The following TENM2 variants were observed in gnomAD, a reference collection of about 807,000 sequenced individuals.
TENM2 encodes teneurin transmembrane protein 2.
TENM2 carries 52 observed loss-of-function variants against 245.2 expected under a neutral mutation model. That is an observed-to-expected ratio of 0.21 (90% CI 0.17 to 0.27). The LOEUF is 0.27. TENM2 is among the 10% of genes least tolerant of loss of function. The pLI, the probability that TENM2 is intolerant of heterozygous loss-of-function variation, is 1.00. For missense variants in TENM2, 3,046 were observed against 3,666.8 expected (o/e 0.83, Z 4.37); for synonymous variants, 1,363 against 1,438.9 (o/e 0.95, Z 1.19).
intron 5 of TENM2, among the ~76,000 whole-genome samples, chr5:168,031,058 T>C (rs1787100643): frequency 6.6e-6 from 1 of 152,216 alleles, no homozygotes; most frequent in Non-Finnish European, 1.5e-5. Context: ...CACTGCTTAG[T>C]GTCACCACTG....
chr5:167,612,303 A>G (rs1777527034), intron 2 of TENM2, among the ~76,000 whole-genome samples: 1 of 152,132 alleles, frequency 6.6e-6, no homozygotes. Flanking sequence ...TAGCGAGGAC[A>G]GTTTCCATCA....
intron 2 of TENM2, among the ~76,000 whole-genome samples, chr5:167,789,503 T>G (rs1476170833): frequency 6.6e-6 from 1 of 152,196 alleles, no homozygotes; most frequent in Non-Finnish European, 1.5e-5. Flanking sequence ...CCCAGCCAAG[T>G]TTGGCTGCTC....
chr5:167,790,505 G>A (rs1210347527), intron 2 of TENM2, among the ~76,000 whole-genome samples: 1 of 152,160 alleles, frequency 6.6e-6, no homozygotes, highest in Non-Finnish European at 1.5e-5. Flanking sequence ...AAAATAGAGA[G>A]AGGAATAATG....
At chr5:167,126,690 A>T in the TENM2 span, among the ~76,000 whole-genome samples, 2 of 151,842 alleles carry the variant, frequency 1.3e-5, no homozygotes, top group South Asian at 2.1e-4. Context: ...ATATTTTGCA[A>T]TTTTTTTTGT....
intron 4 of TENM2, among the ~76,000 whole-genome samples, chr5:167,971,630 G>A (rs546406976): frequency 1.3e-5 from 2 of 152,276 alleles, no homozygotes; most frequent in South Asian, 2.1e-4. Context: ...GAACCTGGGA[G>A]GCGAAGGTTG....
At chr5:167,063,516 A>T in the TENM2 span, among the ~76,000 whole-genome samples, 1 of 151,936 alleles carries the variant, frequency 6.6e-6, no homozygotes, top group Admixed American at 6.6e-5. Flanking sequence ...AAACAGTTTT[A>T]TGTCTGCTAT....
chr5:168,039,556 G>A (rs1239603735), intron 5 of TENM2, among the ~76,000 whole-genome samples: 1 of 151,920 alleles, frequency 6.6e-6, no homozygotes, highest in Non-Finnish European at 1.5e-5. Flanking sequence ...TTCTTAACCA[G>A]GAAAAAAATT....
At chr5:168,112,407 GT>G (rs905058790) in intron 9 of TENM2, among the ~76,000 whole-genome samples, 1 of 151,900 alleles carries the variant, frequency 6.6e-6, no homozygotes, top group Non-Finnish European at 1.5e-5. Flanking sequence ...CCCAGTATGT[GT>G]TTTTTCCCTG....
In TENM2 at chr5:167,926,718, CCACACACACACA is replaced by C. The variant is rs750351497; in HGVS notation, c.713-25835_713-25824del. Among the ~76,000 whole-genome samples the C allele has an allele frequency of 2.5e-4, 34 of 136,806 alleles. 1 individual carries two copies. Among genetic ancestry groups the C allele is most frequent in the East Asian group, 1.3e-3 (6 of 4,538 alleles). 89.8% of individuals were successfully genotyped at this position (136,806 alleles called of 152,430 possible). On this transcript the variant is annotated intron_variant, in intron 3 of 28. Coordinates refer to ENST00000518659, the Ensembl canonical transcript of TENM2. ...GCCTGGGTGACAGAGTGAGATTCCA[CCACACACACACA>C]CACACACACACACACACACACACAC...
chr5:167,993,630 C>T (rs747331635), intron 5 of TENM2, among the ~76,000 whole-genome samples: 1 of 152,210 alleles, frequency 6.6e-6, no homozygotes, highest in Non-Finnish European at 1.5e-5. Context: ...CGAGAGAAAG[C>T]CAAAGTAGCT....
chr5:167,266,103 A>G, the TENM2 span, among the ~76,000 whole-genome samples: 1 of 152,160 alleles, frequency 6.6e-6, no homozygotes, highest in East Asian at 1.9e-4. Context: ...CTCCTTTCCT[A>G]CTTCAACCAA....
At chr5:167,449,634 C>T (rs909479066) in intron 2 of TENM2, among the ~76,000 whole-genome samples, 9 of 152,008 alleles carry the variant, frequency 5.9e-5, no homozygotes, top group Non-Finnish European at 1.3e-4. Flanking sequence ...CACATGTATA[C>T]TGAGTGAAAA....
chr5:167,617,867 AAGTT>A (rs1777892439), intron 2 of TENM2, among the ~76,000 whole-genome samples: 2 of 152,192 alleles, frequency 1.3e-5, no homozygotes. Flanking sequence ...ATGAAGGAAT[AAGTT>A]AATTAATTAA....
At chr5:167,524,263 G>A (rs73365589) in intron 2 of TENM2, among the ~76,000 whole-genome samples, 4,215 of 152,062 alleles carry the variant, frequency 0.028, 124 homozygotes, top group African/African-American at 0.073. Context: ...CTTTGTACAA[G>A]TTCATAAACA....
the TENM2 span, among the ~76,000 whole-genome samples, chr5:167,129,809 T>G: frequency 6.6e-6 from 1 of 152,274 alleles, no homozygotes; most frequent in Non-Finnish European, 1.5e-5. Context: ...ACAGAATATT[T>G]GGGTAAGAAA....
intron 2 of TENM2, among the ~76,000 whole-genome samples, chr5:167,836,572 AT>A (rs1337804264): frequency 6.6e-6 from 1 of 152,222 alleles, no homozygotes; most frequent in African/African-American, 2.4e-5. Context: ...TAGAGAAAAA[AT>A]GTCACACTTG....
intron 2 of TENM2, among the ~76,000 whole-genome samples, chr5:167,867,598 G>A (rs1252782453): frequency 6.6e-6 from 1 of 152,136 alleles, no homozygotes; most frequent in Non-Finnish European, 1.5e-5. Context: ...AGTGAAGTGT[G>A]AGTGAAGAGG....
At chr5:167,950,705 A>AC (rs1304854461) in intron 3 of TENM2, among the ~76,000 whole-genome samples, 3 of 151,796 alleles carry the variant, frequency 2.0e-5, no homozygotes, top group Non-Finnish European at 4.4e-5. Flanking sequence ...ACATCATTTC[A>AC]CCCCCCTTTC....
intron 3 of TENM2, among the ~76,000 whole-genome samples, chr5:167,928,134 G>A (rs1193526491): frequency 6.6e-6 from 1 of 151,982 alleles, no homozygotes; most frequent in Admixed American, 6.6e-5. Flanking sequence ...TGGGGTATGG[G>A]GGCATAATAA....
Sources: allele counts gnomAD v4.1 joint callset (sites outside exome capture counted in the v4.1 genomes callset), GRCh38; gene constraint gnomAD v4.1.1; transcripts MANE v1.5; gene names NCBI Gene and HGNC (gene_info 2026-07-23, HGNC 2026-07-21).